The following MAN1A2 variants were observed in gnomAD, a reference collection of about 807,000 sequenced individuals.
MAN1A2 encodes the protein mannosyl-oligosaccharide 1,2-alpha-mannosidase IB.
In MAN1A2, 26 loss-of-function variants were observed where a neutral mutation model predicts 75.7. The observed-to-expected ratio is 0.34, with a 90% CI of 0.25 to 0.48. The LOEUF (loss-of-function observed/expected upper bound fraction) is 0.48. Among genes scored for constraint, MAN1A2 ranks in the 20% least tolerant of loss-of-function variants. The pLI, the probability that MAN1A2 is intolerant of heterozygous loss-of-function variation, is 0.99. For missense variants in MAN1A2, 562 were observed against 775.5 expected, an observed-to-expected ratio of 0.72 and a Z score of 3.27; for synonymous variants, 247 against 264.6, an observed-to-expected ratio of 0.93 and a Z score of 0.65.
In MAN1A2 at chr1:117,468,153, C is replaced by G. The variant is rs542949941; in HGVS notation, c.1168+1726C>G. 2.1e-4 allele frequency among the ~76,000 whole-genome samples: 32 copies of G among 152,176 alleles called. No individual in the cohort carries two copies. The South Asian group carries it at 6.4e-3, about 31-fold the overall frequency. On this transcript the variant is annotated intron_variant, in intron 8 of 12. Transcript: ENST00000356554. Reference sequence around the variant, plus strand: ...GGCTGGGGAAGCCTCAGAAAACTTACAATCATGGCAGAAGGGGAAGCAAAC... The same window carrying G: ...GGCTGGGGAAGCCTCAGAAAACTTAGAATCATGGCAGAAGGGGAAGCAAAC...
At chr1:117,387,624 T>G (rs1483563621) in intron 1 of MAN1A2, among the ~76,000 whole-genome samples, 1 of 152,176 alleles carries the variant, frequency 6.6e-6, no homozygotes. Context: ...TACCATTAGT[T>G]TTTGGGCTTC....
At chr1:117,478,327 C>A (rs547714544) in intron 8 of MAN1A2, among the ~76,000 whole-genome samples, 4 of 152,014 alleles carry the variant, frequency 2.6e-5, no homozygotes, top group South Asian at 4.1e-4. Context: ...ATTCTGGATA[C>A]AATTCCTATA....
At chr1:117,375,327 T>C (rs527797794) in intron 1 of MAN1A2, among the ~76,000 whole-genome samples, 1 of 152,190 alleles carries the variant, frequency 6.6e-6, no homozygotes, top group South Asian at 2.1e-4. Flanking sequence ...GGAAGGACTA[T>C]AATTTCCTAA....
intron 11 of MAN1A2, among the ~76,000 whole-genome samples, chr1:117,501,459 G>A (rs1314032499): frequency 6.6e-6 from 1 of 151,790 alleles, no homozygotes; most frequent in African/African-American, 2.4e-5. Flanking sequence ...AGTATAGCGT[G>A]TCTTCTGTAG....
chr1:117,488,990 A>G (rs1037653000), intron 8 of MAN1A2, among the ~76,000 whole-genome samples: 29 of 152,072 alleles, frequency 1.9e-4, no homozygotes, highest in African/African-American at 6.8e-4. Flanking sequence ...ACACATTTTG[A>G]GAAGTATCAA....
At chr1:117,410,771 A>C (rs1282964442) in intron 3 of MAN1A2, among the ~76,000 whole-genome samples, 2 of 151,838 alleles carry the variant, frequency 1.3e-5, no homozygotes, top group Non-Finnish European at 3.0e-5. Flanking sequence ...ATAGGATACA[A>C]GTTTAATATG....
chr1:117,502,541 C>T (rs1043838787), intron 11 of MAN1A2, among the ~76,000 whole-genome samples: 2 of 151,476 alleles, frequency 1.3e-5, no homozygotes, highest in Admixed American at 6.6e-5. Flanking sequence ...ACTAATGGAC[C>T]TTTATTTTGC....
chr1:117,389,238 T>C (rs1262631578), intron 1 of MAN1A2, among the ~76,000 whole-genome samples: 1 of 152,228 alleles, frequency 6.6e-6, no homozygotes, highest in Non-Finnish European at 1.5e-5. Flanking sequence ...CAGTTTCTGA[T>C]TTGTTACAGC....
intron 8 of MAN1A2, 105 bp downstream of exon 8, chr1:117,466,532 T>C (rs1649989297): frequency 1.5e-6 from 1 of 647,608 alleles, no homozygotes; most frequent in Non-Finnish European, 2.6e-6. Context: ...AAACCCTCAG[T>C]GTCTAACCTT....
chr1:117,477,463 G>C (rs1650355477), intron 8 of MAN1A2, among the ~76,000 whole-genome samples: 1 of 151,962 alleles, frequency 6.6e-6, no homozygotes. Context: ...TTCATCCTTG[G>C]GATGCAAGGC....
intron 6 of MAN1A2, among the ~76,000 whole-genome samples, chr1:117,454,702 A>G (rs1024227026): frequency 6.6e-6 from 1 of 152,244 alleles, no homozygotes; most frequent in Non-Finnish European, 1.5e-5. Context: ...TTGAATAAAT[A>G]TAAAAGGCTT....
At chr1:117,462,579 A>C (rs1302231459) in intron 7 of MAN1A2, among the ~76,000 whole-genome samples, 1 of 152,152 alleles carries the variant, frequency 6.6e-6, no homozygotes, top group Non-Finnish European at 1.5e-5. Flanking sequence ...GAAGGTTGGA[A>C]GTTTTATTAG....
chr1:117,500,296 C>T (rs980326939), intron 11 of MAN1A2, among the ~76,000 whole-genome samples: 9 of 151,868 alleles, frequency 5.9e-5, no homozygotes, highest in South Asian at 2.1e-4. Flanking sequence ...TCAGCTACTG[C>T]GTTAAGTGCT....
intron 1 of MAN1A2, among the ~76,000 whole-genome samples, chr1:117,395,108 G>T (rs754507879): frequency 2.7e-4 from 41 of 152,174 alleles, no homozygotes; most frequent in Non-Finnish European, 4.6e-4. Context: ...AATTCTGCAG[G>T]ACAGTTTCAA....
chr1:117,379,029 A>G (rs1394374906), intron 1 of MAN1A2, among the ~76,000 whole-genome samples: 1 of 152,122 alleles, frequency 6.6e-6, no homozygotes, highest in Non-Finnish European at 1.5e-5. Flanking sequence ...AAATTTTAAT[A>G]TATTTAAAAT....
intron 1 of MAN1A2, among the ~76,000 whole-genome samples, chr1:117,369,227 A>G (rs1392356049): frequency 1.3e-5 from 2 of 152,340 alleles, no homozygotes; most frequent in East Asian, 1.9e-4. Flanking sequence ...TGGTTGATTA[A>G]GGGGTTCACA....
chr1:117,458,321 G>C (rs1228031661), intron 6 of MAN1A2, among the ~76,000 whole-genome samples: 2 of 151,250 alleles, frequency 1.3e-5, no homozygotes, highest in Non-Finnish European at 2.9e-5. Context: ...TATCCTAGTG[G>C]TATTTGCCTT....
In MAN1A2 at chr1:117,523,021, T is replaced by C; in HGVS notation, c.*64T>C. 1 of 1,588,320 alleles carries C rather than the reference T, an allele frequency of 6.3e-7. No homozygotes were observed. The highest frequency in any genetic ancestry group is 8.6e-7 in the Non-Finnish European group (1 of 1,164,116). Reference sequence around the variant, plus strand: ...TTACATGGACCACTACAGAAATTAGTTTGAAGGGGCGGCTTTTGAAAACCT... The same window carrying C: ...TTACATGGACCACTACAGAAATTAGCTTGAAGGGGCGGCTTTTGAAAACCT... On this transcript the variant is annotated 3_prime_UTR_variant, in exon 13 of 13. Transcript: ENST00000356554.
intron 3 of MAN1A2, among the ~76,000 whole-genome samples, chr1:117,407,740 CCTGGTGTATAT>C (rs1647662500): frequency 6.6e-6 from 1 of 152,080 alleles, no homozygotes; most frequent in Non-Finnish European, 1.5e-5. Flanking sequence ...TGAATGAATT[CCTGGTGTATAT>C]CTGATTTTAC....
Sources: allele counts gnomAD v4.1 joint callset (sites outside exome capture counted in the v4.1 genomes callset), GRCh38; gene constraint gnomAD v4.1.1; transcripts MANE v1.5; gene names NCBI Gene and HGNC (gene_info 2026-07-23, HGNC 2026-07-21).